TMEFF2: variants seen among roughly 807,000 people sequenced by gnomAD.
The protein encoded by TMEFF2 is tomoregulin-2.
Under a neutral mutation model 53.8 loss-of-function variants are expected in TMEFF2, and 28 were observed. The ratio of observed to expected loss-of-function variants is 0.52; its 90% CI spans 0.39 to 0.71. The LOEUF is 0.71. Ranked by LOEUF, TMEFF2 falls within the 30% of genes least tolerant of loss-of-function variation. The probability of loss-of-function intolerance (pLI) is 0.00; values close to 1 mark genes in which losing one functional copy is unlikely to be tolerated. For missense variants in TMEFF2, 353 were observed against 455.2 expected, an observed-to-expected ratio of 0.78 and a Z score of 2.04; for synonymous variants, 162 against 166.3, an observed-to-expected ratio of 0.97 and a Z score of 0.20.
intron 4 of TMEFF2, among the ~76,000 whole-genome samples, chr2:192,067,246 G>A (rs1314964015): frequency 2.0e-5 from 3 of 151,816 alleles, no homozygotes; most frequent in Admixed American, 6.6e-5. Context: ...GGGAAGGAAA[G>A]GGGATAATTA....
chr2:192,063,139 A>G (rs1006241346), intron 4 of TMEFF2, among the ~76,000 whole-genome samples: 1 of 151,972 alleles, frequency 6.6e-6, no homozygotes, highest in Non-Finnish European at 1.5e-5. Flanking sequence ...GGAAGTAGAA[A>G]TGCTTGACTT....
At chr2:192,073,772 A>C (rs562492308) in intron 4 of TMEFF2, among the ~76,000 whole-genome samples, 6 of 152,084 alleles carry the variant, frequency 3.9e-5, no homozygotes, top group Admixed American at 3.3e-4. Context: ...CCATTCCTTC[A>C]CCTTTTAAGA....
At chr2:192,100,524 G>A (rs1689009662) in intron 4 of TMEFF2, among the ~76,000 whole-genome samples, 1 of 152,146 alleles carries the variant, frequency 6.6e-6, no homozygotes, top group South Asian at 2.1e-4. Context: ...GATACTTAGT[G>A]AAGAATGACC....
chr2:192,188,848 T>A (rs1382932436), intron 2 of TMEFF2, among the ~76,000 whole-genome samples: 1 of 149,568 alleles, frequency 6.7e-6, no homozygotes, highest in Non-Finnish European at 1.5e-5. Context: ...TCTATCTATC[T>A]ATCTATCTAT....
intron 7 of TMEFF2, among the ~76,000 whole-genome samples, chr2:191,976,209 A>ATAC (rs1373321874): frequency 6.6e-6 from 1 of 152,172 alleles, no homozygotes; most frequent in Non-Finnish European, 1.5e-5. Flanking sequence ...ATCAAGTCAA[A>ATAC]TACTCCTCTG....
intron 7 of TMEFF2, among the ~76,000 whole-genome samples, chr2:191,991,514 A>G (rs1355568829): frequency 6.6e-6 from 1 of 152,106 alleles, no homozygotes; most frequent in African/African-American, 2.4e-5. Context: ...TCCATTAAAC[A>G]GATCAAGAAA....
chr2:192,120,004 A>G (rs1394025893), intron 4 of TMEFF2, among the ~76,000 whole-genome samples: 2 of 152,170 alleles, frequency 1.3e-5, no homozygotes, highest in Non-Finnish European at 2.9e-5. Flanking sequence ...TCTCTAGTAA[A>G]TATTATGATA....
At chr2:192,080,598 AGAGT>A (rs1448292570) in intron 4 of TMEFF2, among the ~76,000 whole-genome samples, 1 of 152,342 alleles carries the variant, frequency 6.6e-6, no homozygotes, top group African/African-American at 2.4e-5. Flanking sequence ...TGAGGTAGAG[AGAGT>A]AAGTCAATTT....
intron 4 of TMEFF2, among the ~76,000 whole-genome samples, chr2:192,069,163 G>A (rs1688229505): frequency 6.6e-6 from 1 of 151,656 alleles, no homozygotes; most frequent in South Asian, 2.1e-4. Context: ...TTGGCTCTAG[G>A]TGGTAGAGTC....
chr2:192,095,831 T>A (rs938965715), intron 4 of TMEFF2, among the ~76,000 whole-genome samples: 5 of 152,130 alleles, frequency 3.3e-5, no homozygotes, highest in Non-Finnish European at 7.4e-5. Flanking sequence ...GACAAAATAT[T>A]TAGCAAATAA....
chr2:192,029,962 T>C (rs1687086978), intron 5 of TMEFF2, among the ~76,000 whole-genome samples: 1 of 152,210 alleles, frequency 6.6e-6, no homozygotes, highest in Non-Finnish European at 1.5e-5. Flanking sequence ...ACATATCAAG[T>C]AGCCTCTGGA....
intron 4 of TMEFF2, among the ~76,000 whole-genome samples, chr2:192,121,151 G>A (rs910262894): frequency 6.6e-6 from 1 of 152,170 alleles, no homozygotes; most frequent in Non-Finnish European, 1.5e-5. Flanking sequence ...TCTAGTGGGG[G>A]AAGGAGACAT....
chr2:192,168,885 C>CAGGCTAG (rs1459069793), intron 4 of TMEFF2, among the ~76,000 whole-genome samples: 1 of 151,786 alleles, frequency 6.6e-6, no homozygotes, highest in East Asian at 1.9e-4. Flanking sequence ...TTACATTGCC[C>CAGGCTAG]AGGCTAGAGT....
At chr2:192,067,681 C>T (rs1688199207) in intron 4 of TMEFF2, among the ~76,000 whole-genome samples, 1 of 151,754 alleles carries the variant, frequency 6.6e-6, no homozygotes, top group Non-Finnish European at 1.5e-5. Context: ...GTTTTGATAA[C>T]TTAAAGGTAT....
At chr2:192,193,799 GA>G (rs2106054792) in intron 1 of TMEFF2, among the ~76,000 whole-genome samples, 1 of 137,160 alleles carries the variant, frequency 7.3e-6, no homozygotes, top group South Asian at 2.2e-4. Flanking sequence ...GAGAGAGAGA[GA>G]GAGAGAGAAA....
intron 4 of TMEFF2, among the ~76,000 whole-genome samples, chr2:192,139,366 T>C (rs192871385): frequency 3.9e-5 from 6 of 152,256 alleles, no homozygotes; most frequent in Admixed American, 2.6e-4. Flanking sequence ...ACTGGGAAAA[T>C]TATTTTCACA....
chr2:192,113,807 G>A (rs866199688), intron 4 of TMEFF2, among the ~76,000 whole-genome samples: 11 of 151,912 alleles, frequency 7.2e-5, no homozygotes, highest in Non-Finnish European at 1.3e-4. Context: ...TATTCACCAA[G>A]CACTTTATTG....
intron 4 of TMEFF2, among the ~76,000 whole-genome samples, chr2:192,160,297 C>T (rs1690602957): frequency 6.6e-6 from 1 of 152,088 alleles, no homozygotes; most frequent in Non-Finnish European, 1.5e-5. Flanking sequence ...GGCAGAAATT[C>T]TATGTACCCT....
At chr2:192,140,673 T>C (rs1002627949) in intron 4 of TMEFF2, among the ~76,000 whole-genome samples, 3 of 152,058 alleles carry the variant, frequency 2.0e-5, no homozygotes, top group Non-Finnish European at 4.4e-5. Context: ...ATTTCAAGGA[T>C]TGGCATGTAG....
Sources: allele counts gnomAD v4.1 joint callset (sites outside exome capture counted in the v4.1 genomes callset), GRCh38; gene constraint gnomAD v4.1.1; transcripts MANE v1.5; gene names NCBI Gene and HGNC (gene_info 2026-07-23, HGNC 2026-07-21).